Variants in CPA6 observed in about 807,000 individuals in gnomAD.
CPA6 encodes the protein carboxypeptidase B.
Under a neutral mutation model 63.3 loss-of-function variants are expected in CPA6, and 58 were observed. The ratio of observed to expected loss-of-function variants is 0.92; its 90% CI spans 0.74 to 1.14. CPA6 has a LOEUF of 1.14. CPA6 is among the 50% of genes most tolerant of loss of function. The pLI is 0.00. For synonymous variants in CPA6, 185 were observed against 179.0 expected (o/e 1.03, Z -0.27); for missense variants, 565 against 526.6 (o/e 1.07, Z -0.71).
At chr8:67,583,726 A>T (rs1346382877) in intron 2 of CPA6, among the ~76,000 whole-genome samples, 1 of 152,138 alleles carries the variant, frequency 6.6e-6, no homozygotes, top group Non-Finnish European at 1.5e-5. Context: ...AGCGATTGTT[A>T]GGCGCTTGAG....
intron 1 of CPA6, among the ~76,000 whole-genome samples, chr8:67,721,618 G>A (rs1471655908): frequency 1.3e-5 from 2 of 152,126 alleles, no homozygotes; most frequent in African/African-American, 4.8e-5. Flanking sequence ...GAACGATAGA[G>A]GTGCAGGGTT....
At chr8:67,731,934 G>A (rs1437774812) in intron 1 of CPA6, among the ~76,000 whole-genome samples, 1 of 152,158 alleles carries the variant, frequency 6.6e-6, no homozygotes, top group Admixed American at 6.5e-5. Flanking sequence ...CTATTCCTTA[G>A]AGGATAAAGC....
At chr8:67,641,479 T>C (rs1341028201) in intron 1 of CPA6, among the ~76,000 whole-genome samples, 2 of 152,232 alleles carry the variant, frequency 1.3e-5, no homozygotes, top group African/African-American at 4.8e-5. Context: ...AATAGCAGAT[T>C]AGATGTACCC....
chr8:67,643,385 A>G (rs970062497), intron 1 of CPA6, among the ~76,000 whole-genome samples: 1 of 152,232 alleles, frequency 6.6e-6, no homozygotes, highest in African/African-American at 2.4e-5. Flanking sequence ...TATAGCAGTG[A>G]AAATAGATGA....
At position 67,518,006 on chromosome 8, in the gene CPA6, C is replaced by T. The variant is rs1239973110; in HGVS notation, c.234G>A (p.Glu78=). ...GGATATGGACATCAGTAACTGTTCCCTCTGATACATAGGAGATACTGCTGG... is the reference window on the plus strand; with the variant it reads ...GGATATGGACATCAGTAACTGTTCCTTCTGATACATAGGAGATACTGCTGG... The part of the protein sequence containing the change: ...WQPSSISYVS[E]GTVTDVHIPQ... The change falls in exon 3 of 11, where the codon GAG becomes GAA. Residue 78 remains glutamate, a synonymous_variant. Transcript: ENST00000297770. 54 of 1,612,512 alleles carry T rather than the reference C, an allele frequency of 3.3e-5. No homozygotes were observed. Among genetic ancestry groups the T allele is most frequent in the Non-Finnish European group, 4.6e-5 (54 of 1,179,536 alleles).
At chr8:67,579,415 C>A (rs1382730429) in intron 2 of CPA6, among the ~76,000 whole-genome samples, 3 of 151,928 alleles carry the variant, frequency 2.0e-5, no homozygotes, top group Non-Finnish European at 4.4e-5. Flanking sequence ...TCTGTCCCCA[C>A]CACAAAAAAG....
intron 1 of CPA6, among the ~76,000 whole-genome samples, chr8:67,649,950 A>G (rs1815799957): frequency 6.6e-6 from 1 of 152,208 alleles, no homozygotes; most frequent in Non-Finnish European, 1.5e-5. Flanking sequence ...ACGAGGACAA[A>G]GAATTAGTAA....
intron 2 of CPA6, among the ~76,000 whole-genome samples, chr8:67,596,642 T>C (rs571486720): frequency 6.1e-4 from 93 of 152,182 alleles, no homozygotes; most frequent in Non-Finnish European, 1.2e-3. Context: ...ATCACAAAAA[T>C]CAGAATAAAA....
At chr8:67,520,392 G>T (rs1341481826) in intron 2 of CPA6, among the ~76,000 whole-genome samples, 1 of 152,128 alleles carries the variant, frequency 6.6e-6, no homozygotes, top group African/African-American at 2.4e-5. Context: ...AATGTGCTCG[G>T]AAAGCTGTTG....
intron 2 of CPA6, among the ~76,000 whole-genome samples, chr8:67,556,111 C>A (rs981751965): frequency 1.3e-5 from 2 of 152,146 alleles, no homozygotes; most frequent in Non-Finnish European, 2.9e-5. Context: ...AGAAACAAAC[C>A]TTGTTGTCAA....
chr8:67,660,001 C>T (rs1172472267), intron 1 of CPA6, among the ~76,000 whole-genome samples: 1 of 152,176 alleles, frequency 6.6e-6, no homozygotes, highest in Non-Finnish European at 1.5e-5. Context: ...AGTTTCATTG[C>T]TGTAGTCAGT....
chr8:67,566,050 G>A (rs1813329702), intron 2 of CPA6, among the ~76,000 whole-genome samples: 1 of 152,190 alleles, frequency 6.6e-6, no homozygotes, highest in Non-Finnish European at 1.5e-5. Context: ...AATGGTTTCT[G>A]AAGGGGCTTC....
intron 1 of CPA6, among the ~76,000 whole-genome samples, chr8:67,696,295 G>A (rs942694510): frequency 1.3e-5 from 2 of 152,158 alleles, no homozygotes; most frequent in Non-Finnish European, 2.9e-5. Flanking sequence ...CATGTACAAT[G>A]GAGTTCAAAA....
intron 2 of CPA6, among the ~76,000 whole-genome samples, chr8:67,524,864 T>C (rs967950325): frequency 6.6e-6 from 1 of 152,302 alleles, no homozygotes; most frequent in East Asian, 1.9e-4. Context: ...GGTAGTCCAC[T>C]TGAATTTTGT....
intron 10 of CPA6, 60 bp downstream of exon 10, chr8:67,427,987 A>G (rs1170771831): frequency 8.9e-7 from 1 of 1,127,110 alleles, no homozygotes. Context: ...AAAGGAAGTC[A>G]TGATACAGGA....
intron 6 of CPA6, among the ~76,000 whole-genome samples, chr8:67,491,846 A>G (rs924116829): frequency 6.6e-6 from 1 of 151,324 alleles, no homozygotes. Context: ...ACAAATCACT[A>G]TATAAATAAA....
intron 2 of CPA6, among the ~76,000 whole-genome samples, chr8:67,551,980 T>G (rs923098288): frequency 2.6e-5 from 4 of 152,224 alleles, no homozygotes; most frequent in African/African-American, 9.6e-5. Context: ...TTTCTGATCA[T>G]CTGATGTAAT....
In CPA6 at chr8:67,727,345, T is replaced by A. The variant is rs543902818; in HGVS notation, c.116+18669A>T. Among the ~76,000 whole-genome samples the A allele has an allele frequency of 4.6e-5, 7 of 152,310 alleles. No individual in the cohort carries two copies. The East Asian group carries it at 1.4e-3, about 29-fold the overall frequency. ...TACCCCAAAGTATGGTGCTTTGGCATGTTGAGCACTTTTGAATTAAAGGAA... is the reference window on the plus strand; with the variant it reads ...TACCCCAAAGTATGGTGCTTTGGCAAGTTGAGCACTTTTGAATTAAAGGAA... On this transcript the variant is annotated intron_variant, in intron 1 of 10. Transcript: ENST00000297770.
At chr8:67,500,577 T>C (rs1319278497) in intron 6 of CPA6, among the ~76,000 whole-genome samples, 6 of 152,166 alleles carry the variant, frequency 3.9e-5, no homozygotes, top group East Asian at 1.9e-4. Flanking sequence ...TTATGGAGCA[T>C]GTTTTTGGTG....
Sources: allele counts gnomAD v4.1 joint callset (sites outside exome capture counted in the v4.1 genomes callset), GRCh38; gene constraint gnomAD v4.1.1; transcripts MANE v1.5; gene names NCBI Gene and HGNC (gene_info 2026-07-23, HGNC 2026-07-21).